CADM2: variants seen among roughly 807,000 people sequenced by gnomAD.
CADM2 encodes cell adhesion molecule 2.
In CADM2, 12 loss-of-function variants were observed where a neutral mutation model predicts 49.8. That is an observed-to-expected ratio of 0.24 (90% confidence interval 0.15 to 0.39). CADM2 has a LOEUF of 0.39. Ranked by LOEUF, CADM2 falls within the 10% of genes least tolerant of loss-of-function variation. CADM2 has a pLI of 1.00. For missense variants in CADM2, 378 were observed against 492.3 expected (o/e 0.77, Z 2.20); for synonymous variants, 214 against 175.4 (o/e 1.22, Z -1.74).
chr3:85,971,103 A>G (rs1004417285), intron 8 of CADM2, among the ~76,000 whole-genome samples: 4 of 151,618 alleles, frequency 2.6e-5, no homozygotes, highest in Non-Finnish European at 4.4e-5. Context: ...TAACATACAT[A>G]TTAAGATCAT....
At chr3:85,204,709 G>T (rs1200535771) in intron 1 of CADM2, among the ~76,000 whole-genome samples, 4 of 152,018 alleles carry the variant, frequency 2.6e-5, no homozygotes, top group Admixed American at 2.6e-4. Flanking sequence ...AAATACCTGT[G>T]TTCTATGTTT....
intron 1 of CADM2, among the ~76,000 whole-genome samples, chr3:85,170,514 T>A (rs2040595301): frequency 6.6e-6 from 1 of 152,060 alleles, no homozygotes; most frequent in Non-Finnish European, 1.5e-5. Flanking sequence ...AATTTTCGTA[T>A]TTTTGGTAGA....
At chr3:85,613,137 T>G (rs1238749169) in intron 1 of CADM2, among the ~76,000 whole-genome samples, 1 of 151,814 alleles carries the variant, frequency 6.6e-6, no homozygotes, top group East Asian at 1.9e-4. Flanking sequence ...TCTTTTCTAA[T>G]GTATGCAGAC....
At chr3:86,065,803 T>A (rs1362604273) in intron 9 of CADM2, 73 bp downstream of exon 9, 1 of 1,471,114 alleles carries the variant, frequency 6.8e-7, no homozygotes, top group Admixed American at 1.8e-5. Context: ...AAATATGATA[T>A]CAGTGCATAT....
intron 2 of CADM2, among the ~76,000 whole-genome samples, chr3:85,788,774 C>T (rs1198586099): frequency 5.3e-5 from 8 of 151,362 alleles, no homozygotes; most frequent in Non-Finnish European, 2.9e-5. Flanking sequence ...TAATCTTTAT[C>T]GTATTTGGCT....
intron 1 of CADM2, among the ~76,000 whole-genome samples, chr3:85,389,100 T>A (rs766572734): frequency 1.3e-5 from 2 of 152,096 alleles, no homozygotes; most frequent in Non-Finnish European, 2.9e-5. Flanking sequence ...AGTAACGTTT[T>A]GTGATGCCTT....
At chr3:85,201,816 C>A (rs753128084) in intron 1 of CADM2, among the ~76,000 whole-genome samples, 1 of 152,098 alleles carries the variant, frequency 6.6e-6, no homozygotes, top group Non-Finnish European at 1.5e-5. Context: ...GGCACAGTGG[C>A]TCACACCTGT....
At chr3:85,244,446 C>T (rs2042603957) in intron 1 of CADM2, among the ~76,000 whole-genome samples, 1 of 152,130 alleles carries the variant, frequency 6.6e-6, no homozygotes, top group South Asian at 2.1e-4. Flanking sequence ...GGTTAAATAA[C>T]ATTAGATAAT....
chr3:84,969,395 G>T (rs897302456), intron 1 of CADM2, among the ~76,000 whole-genome samples: 1 of 151,780 alleles, frequency 6.6e-6, no homozygotes, highest in African/African-American at 2.4e-5. Context: ...AAGCATTTAT[G>T]TGTTCTTATT....
At chr3:86,050,913 C>A (rs1033279661) in intron 8 of CADM2, among the ~76,000 whole-genome samples, 5 of 152,176 alleles carry the variant, frequency 3.3e-5, no homozygotes, top group Non-Finnish European at 5.9e-5. Context: ...CCTTCAAGGC[C>A]TTTTCCGTAT....
intron 7 of CADM2, among the ~76,000 whole-genome samples, chr3:85,936,413 C>A (rs1217371778): frequency 6.6e-6 from 1 of 151,652 alleles, no homozygotes; most frequent in Non-Finnish European, 1.5e-5. Context: ...TAAAACTTCA[C>A]CTTTTGAAAT....
chr3:85,147,120 AG>A (rs1266851201), intron 1 of CADM2, among the ~76,000 whole-genome samples: 4 of 151,506 alleles, frequency 2.6e-5, no homozygotes, highest in African/African-American at 9.7e-5. Context: ...TAAAAATACA[AG>A]AAAATTAGCC....
intron 1 of CADM2, among the ~76,000 whole-genome samples, chr3:85,384,168 G>C (rs73845476): frequency 7.2e-5 from 11 of 152,042 alleles, no homozygotes; most frequent in Admixed American, 6.6e-5. Context: ...ATCTGTACCT[G>C]TCTGAAGAAA....
intron 1 of CADM2, among the ~76,000 whole-genome samples, chr3:85,425,276 G>A (rs1324627699): frequency 1.3e-5 from 2 of 152,180 alleles, no homozygotes; most frequent in South Asian, 4.1e-4. Flanking sequence ...TCTCTCTTGG[G>A]AACGGTAATG....
intron 8 of CADM2, among the ~76,000 whole-genome samples, chr3:85,996,006 C>T (rs1316444358): frequency 4.0e-5 from 6 of 151,360 alleles, no homozygotes; most frequent in Non-Finnish European, 7.4e-5. Context: ...AGGAGAATGG[C>T]GTGAACCCAG....
At chr3:85,552,732 A>C (rs1363278721) in intron 1 of CADM2, among the ~76,000 whole-genome samples, 3 of 151,240 alleles carry the variant, frequency 2.0e-5, no homozygotes, top group Non-Finnish European at 4.4e-5. Context: ...GCTGGAATGC[A>C]GTGGTGCGAT....
intron 1 of CADM2, among the ~76,000 whole-genome samples, chr3:85,217,811 C>A (rs2041961812): frequency 6.6e-6 from 1 of 152,064 alleles, no homozygotes; most frequent in South Asian, 2.1e-4. Context: ...AATTATAAAG[C>A]AATTATTTAA....
At chr3:85,754,397 A>G (rs1044816621) in intron 2 of CADM2, among the ~76,000 whole-genome samples, 17 of 152,130 alleles carry the variant, frequency 1.1e-4, no homozygotes, top group Admixed American at 7.2e-4. Flanking sequence ...GATCATGTCT[A>G]ACTAGCTACC....
chr3:85,576,868 TG>T (rs1215325576), intron 1 of CADM2, among the ~76,000 whole-genome samples: 1 of 152,154 alleles, frequency 6.6e-6, no homozygotes, highest in African/African-American at 2.4e-5. Flanking sequence ...TCTATTCATG[TG>T]AATAATATCC....
Sources: gnomAD v4.1 joint callset for allele counts (sites outside exome capture counted in the v4.1 genomes callset) on GRCh38, gnomAD v4.1.1 for gene constraint, MANE v1.5 for transcripts, NCBI Gene and HGNC (gene_info 2026-07-23, HGNC 2026-07-21) for gene names.